The following GNB1 variants were observed in gnomAD, a reference collection of about 807,000 sequenced individuals.
GNB1 encodes guanine nucleotide-binding protein G(I)/G(S)/G(T) subunit beta-1.
Under a neutral mutation model 42.9 loss-of-function variants are expected in GNB1, and 2 were observed. The ratio of observed to expected loss-of-function variants is 0.05; its 90% CI spans 0.02 to 0.15. GNB1 has a LOEUF of 0.15. Ranked by LOEUF, GNB1 falls within the 10% of genes least tolerant of loss-of-function variation. The pLI, the probability that GNB1 is intolerant of heterozygous loss-of-function variation, is 1.00. For missense variants in GNB1, 193 were observed against 462.2 expected (o/e 0.42, Z 5.34); for synonymous variants, 183 against 174.7 (o/e 1.05, Z -0.38).
chr1:1,807,486 A>C (rs1269128463), intron 5 of GNB1, among the ~76,000 whole-genome samples: 4 of 147,560 alleles, frequency 2.7e-5, no homozygotes, highest in Admixed American at 6.8e-5. Flanking sequence ...AAAAAAAAAA[A>C]AAAAAAACAA....
chr1:1,854,148 C>T (rs1648140599), intron 1 of GNB1, among the ~76,000 whole-genome samples: 2 of 152,176 alleles, frequency 1.3e-5, no homozygotes, highest in South Asian at 4.1e-4. Context: ...TTTGATACAT[C>T]AACTGCTATC....
At chr1:1,829,184 G>A (rs770810214) in intron 2 of GNB1, among the ~76,000 whole-genome samples, 1 of 152,022 alleles carries the variant, frequency 6.6e-6, no homozygotes, top group African/African-American at 2.4e-5. Context: ...AGCCTCCCGA[G>A]TAGCTGGAAT....
intron 1 of GNB1, among the ~76,000 whole-genome samples, chr1:1,888,988 C>T (rs1650314300): frequency 6.6e-6 from 1 of 152,170 alleles, no homozygotes; most frequent in Non-Finnish European, 1.5e-5. Context: ...GAAGGAACCG[C>T]CTATCCACTT....
chr1:1,856,129 C>T (rs745869350), intron 1 of GNB1, among the ~76,000 whole-genome samples: 1 of 152,074 alleles, frequency 6.6e-6, no homozygotes, highest in Non-Finnish European at 1.5e-5. Flanking sequence ...CTCAAGTATC[C>T]TCCCATCTCA....
intron 1 of GNB1, among the ~76,000 whole-genome samples, chr1:1,865,043 A>G (rs1272638997): frequency 6.6e-6 from 1 of 151,632 alleles, no homozygotes; most frequent in Non-Finnish European, 1.5e-5. Context: ...CGGGCAGATC[A>G]CAAGGTCAGG....
chr1:1,840,777 G>A (rs1482981005), intron 1 of GNB1, among the ~76,000 whole-genome samples: 10 of 152,242 alleles, frequency 6.6e-5, no homozygotes, highest in Admixed American at 6.5e-4. Flanking sequence ...TGCCCAGGAA[G>A]GTGGCTTGAA....
chr1:1,845,824 T>TACACACACACACACAC (rs55953457), intron 1 of GNB1, among the ~76,000 whole-genome samples: 6 of 140,358 alleles, frequency 4.3e-5, no homozygotes, highest in Admixed American at 2.2e-4. Flanking sequence ...TGTAAGTCCA[T>TACACACACACACACAC]ACACACACAC....
At chr1:1,805,525 T>C (rs1178392778) in intron 6 of GNB1, among the ~76,000 whole-genome samples, 1 of 152,142 alleles carries the variant, frequency 6.6e-6, no homozygotes, top group South Asian at 2.1e-4. Context: ...CAAATGGCTA[T>C]GAACTCATCT....
intron 4 of GNB1, 29 bp downstream of exon 4, chr1:1,817,808 T>C (rs761904502): frequency 6.4e-7 from 1 of 1,558,460 alleles, no homozygotes; most frequent in South Asian, 1.1e-5. Context: ...CACAGGCAGA[T>C]GGCTCTGCGT....
At chr1:1,842,050 G>A (rs1285275197) in intron 1 of GNB1, among the ~76,000 whole-genome samples, 1 of 152,238 alleles carries the variant, frequency 6.6e-6, no homozygotes, top group Non-Finnish European at 1.5e-5. Context: ...GCTCACGCCT[G>A]TAATCCCAGC....
In GNB1 at chr1:1,787,064, C is replaced by CA. The variant is rs1233411191; in HGVS notation, c.*10-12dup. On this transcript the variant is annotated splice_polypyrimidine_tract_variant and intron_variant, in intron 11 of 11. Coordinates refer to ENST00000378609, the MANE Select transcript of GNB1 (RefSeq NM_002074.5). The surrounding 1 kb of genome is among the most constrained non-coding windows in gnomAD (Gnocchi z 4.4). ...CATGGCATCCACATGCTGTTTTAAACAGAGTTTAAAGAAATGTGAAAAGAG... is the reference window on the plus strand; with the variant it reads ...CATGGCATCCACATGCTGTTTTAAACAAGAGTTTAAAGAAATGTGAAAAGAG... 3.1e-6 allele frequency: 1 copy of CA among 323,954 alleles called. No homozygotes were observed. Among genetic ancestry groups the CA allele is most frequent in the Non-Finnish European group, 5.8e-6 (1 of 172,708 alleles). The allele number at this position is 323,954 out of a possible 1,614,324, so 20.1% of individuals were successfully genotyped here. A position where few individuals can be genotyped will look rare whatever the true frequency, so the allele number is the denominator to read the frequency against.
chr1:1,882,233 A>G (rs1409087344), intron 1 of GNB1, among the ~76,000 whole-genome samples: 1 of 151,812 alleles, frequency 6.6e-6, no homozygotes, highest in East Asian at 2.0e-4. Context: ...CAAGAGCGGC[A>G]TGGGCAACAA....
chr1:1,851,537 C>G (rs1007824803), intron 1 of GNB1, among the ~76,000 whole-genome samples: 3 of 150,622 alleles, frequency 2.0e-5, no homozygotes. Flanking sequence ...CTGGGCGACA[C>G]AGCAAGACTG....
chr1:1,867,929 C>G (rs983436962), intron 1 of GNB1, among the ~76,000 whole-genome samples: 8 of 152,270 alleles, frequency 5.3e-5, no homozygotes, highest in Non-Finnish European at 7.4e-5. Flanking sequence ...AGATCAGTAT[C>G]TAGACTGCTT....
At chr1:1,850,174 A>C (rs1300029489) in intron 1 of GNB1, among the ~76,000 whole-genome samples, 1 of 150,984 alleles carries the variant, frequency 6.6e-6, no homozygotes, top group African/African-American at 2.4e-5. Context: ...CTTGTTGCCC[A>C]GGCTGGAGTG....
chr1:1,868,300 C>T (rs1467960156), intron 1 of GNB1, among the ~76,000 whole-genome samples: 1 of 152,118 alleles, frequency 6.6e-6, no homozygotes, highest in African/African-American at 2.4e-5. Context: ...CTCAGCCTCC[C>T]GCGTAGCTGG....
chr1:1,813,305 G>C (rs530538297), intron 5 of GNB1, among the ~76,000 whole-genome samples: 8 of 152,118 alleles, frequency 5.3e-5, no homozygotes, highest in Non-Finnish European at 1.2e-4. Flanking sequence ...ATGGGGTTTC[G>C]CCATGTTGGC....
chr1:1,824,676 G>C (rs1239790050), intron 3 of GNB1, among the ~76,000 whole-genome samples: 1 of 151,940 alleles, frequency 6.6e-6, no homozygotes, highest in Non-Finnish European at 1.5e-5. Flanking sequence ...GGGTTCAAGG[G>C]ATTCTCTGAC....
At chr1:1,877,163 G>A (rs1377506541) in intron 1 of GNB1, among the ~76,000 whole-genome samples, 1 of 151,806 alleles carries the variant, frequency 6.6e-6, no homozygotes, top group Non-Finnish European at 1.5e-5. Flanking sequence ...AGCCAGGCAT[G>A]GTGGTGTATG....
Sources: gnomAD v4.1 joint callset for allele counts (sites outside exome capture counted in the v4.1 genomes callset) on GRCh38, gnomAD v4.1.1 for gene constraint, Gnocchi (gnomAD v3.1) non-coding constraint, MANE v1.5 for transcripts, NCBI Gene and HGNC (gene_info 2026-07-23, HGNC 2026-07-21) for gene names.